Variants in WBP4 observed in about 807,000 individuals in gnomAD.
The protein encoded by WBP4 is WW domain-binding protein 4.
Under a neutral mutation model 55.4 loss-of-function variants are expected in WBP4, and 37 were observed. The ratio of observed to expected loss-of-function variants is 0.67; its 90% confidence interval spans 0.51 to 0.88. WBP4 has a LOEUF of 0.88. Among genes scored for constraint, WBP4 ranks in the 40% least tolerant of loss-of-function variants. The probability of loss-of-function intolerance (pLI) is 0.00; values close to 1 mark genes in which losing one functional copy is unlikely to be tolerated. For synonymous variants in WBP4, 142 were observed against 140.2 expected, an observed-to-expected ratio of 1.01 and a Z score of -0.09; for missense variants, 398 against 420.8, an observed-to-expected ratio of 0.95 and a Z score of 0.47.
Position 41,071,553 on chromosome 13 carries a change from T to C in WBP4, c.466T>C (p.Phe156Leu). The change falls in exon 6 of 10, where the codon TTT (phenylalanine) becomes CTT (leucine). Residue 156 changes from phenylalanine to leucine, a missense_variant. Physicochemically the swap from Phe to Leu is conservative, Grantham distance 22 (BLOSUM62 0). Transcript: ENST00000379487. Reference protein sequence around the residue: ...GASQWEKPEGFQGDLKKTAVK... With the variant: ...GASQWEKPEGLQGDLKKTAVK... The stretch of plus-strand genomic sequence containing the variant: ...ATCTCAGTGGGAGAAACCTGAAGGA[T>C]TTCAAGGAGACTTAAAAAAGGTAAT... The C allele has an allele frequency of 6.2e-7, 1 of 1,610,710 alleles. No homozygotes were observed.
chr13:41,081,066 A>T (rs1176665689), intron 9 of WBP4, among the ~76,000 whole-genome samples: 1 of 152,106 alleles, frequency 6.6e-6, no homozygotes, highest in Non-Finnish European at 1.5e-5. Flanking sequence ...GTGTGGTGGC[A>T]TGTAGCTGTG....
rs1425069762 is a variant in WBP4 at position 41,061,541 on chromosome 13, G to C, written c.-133G>C. The C allele has an allele frequency of 1.5e-5, 21 of 1,408,718 alleles. No individual in the cohort carries two copies. Among genetic ancestry groups the C allele is most frequent in the Middle Eastern group, 1.8e-4 (1 of 5,674 alleles). 87.3% of individuals were successfully genotyped at this position (1,408,718 alleles called of 1,614,324 possible). ...GGAACAGCGGAACGCTGGTCCCGGG[G>C]ACTGAGTAAGGTGTCTGGATCGGAG... On this transcript the variant is annotated 5_prime_UTR_variant, in exon 1 of 10. Coordinates refer to ENST00000379487, the MANE Select transcript of WBP4 (RefSeq NM_007187.5).
At chr13:41,070,944 C>G (rs77234074) in intron 5 of WBP4, among the ~76,000 whole-genome samples, 1 of 152,058 alleles carries the variant, frequency 6.6e-6, no homozygotes, top group Non-Finnish European at 1.5e-5. Flanking sequence ...AGAGTTTGCA[C>G]TGAGCTTTAA....
At chr13:41,065,427 C>CAGGGCTATGA in intron 4 of WBP4, 140 bp downstream of exon 4, 1 of 1,206,346 alleles carries the variant, frequency 8.3e-7, no homozygotes, top group Non-Finnish European at 1.1e-6. Context: ...CATCATAGCC[C>CAGGGCTATGA]TGTTTAGACT....
Position 41,082,874 on chromosome 13 carries a change from G to GA in WBP4, c.1095dup (p.Ser366IlefsTer2). On this transcript the variant is annotated frameshift_variant, in exon 10 of 10. Transcript: ENST00000379487. LOFTEE classifies it high-confidence loss of function. ...TTCAAAAAGAGAAGAACTGAAAATG[G>GA]AAAATCTAGAAATTTAAGGCAACGA... The GA allele has an allele frequency of 6.2e-7, 1 of 1,614,040 alleles. No individual in the cohort carries two copies. Among genetic ancestry groups the GA allele is most frequent in the Non-Finnish European group, 8.5e-7 (1 of 1,179,978 alleles).
chr13:41,075,957 A>G (rs1878460859), intron 7 of WBP4, 87 bp from the exon 8 acceptor site: 2 of 1,355,918 alleles, frequency 1.5e-6, no homozygotes, highest in Non-Finnish European at 2.0e-6. Context: ...TTGTCATTTA[A>G]TAATTGTAAG....
chr13:41,078,986 G>A (rs1464669981), intron 8 of WBP4, among the ~76,000 whole-genome samples: 2 of 152,092 alleles, frequency 1.3e-5, no homozygotes, highest in African/African-American at 4.8e-5. Flanking sequence ...AAAAGCTTAT[G>A]CACAGCAAAA....
intron 5 of WBP4, among the ~76,000 whole-genome samples, chr13:41,070,377 C>A (rs1878186180): frequency 6.6e-6 from 1 of 151,634 alleles, no homozygotes; most frequent in Non-Finnish European, 1.5e-5. Context: ...CAATATGAAC[C>A]CCAAAAAAGG....
intron 8 of WBP4, among the ~76,000 whole-genome samples, chr13:41,078,779 A>T (rs933689814): frequency 6.6e-6 from 1 of 152,044 alleles, no homozygotes; most frequent in Non-Finnish European, 1.5e-5. Context: ...GTGAGCTAAG[A>T]TCGTGCCGTT....
rs773008538 is a variant in WBP4 at position 41,069,813 on chromosome 13, G to A, written c.439+1076G>A. 5.6e-4 allele frequency among the ~76,000 whole-genome samples: 84 copies of A among 149,760 alleles called. 3 individuals carry two copies. The highest frequency in any genetic ancestry group is 2.4e-4 in the Non-Finnish European group (16 of 67,658). Reference sequence around the variant, plus strand: ...GAATCAATTGAACCCAGGAGATGGAGTTTGCAGTGAGCCCAGATCGCGCCA... The same window carrying A: ...GAATCAATTGAACCCAGGAGATGGAATTTGCAGTGAGCCCAGATCGCGCCA... On this transcript the variant is annotated intron_variant, in intron 5 of 9. Coordinates refer to ENST00000379487, the MANE Select transcript of WBP4 (RefSeq NM_007187.5).
intron 4 of WBP4, among the ~76,000 whole-genome samples, chr13:41,065,975 TA>T (rs1353400872): frequency 1.3e-5 from 2 of 152,188 alleles, no homozygotes; most frequent in Non-Finnish European, 2.9e-5. Context: ...ATTCCTCTAA[TA>T]AAAACAGCTT....
chr13:41,062,151 T>A (rs1328087528), intron 1 of WBP4: 1 of 946,114 alleles, frequency 1.1e-6, no homozygotes, highest in African/African-American at 1.9e-5. Context: ...GTCCCATGGC[T>A]TTTCCAGTTC....
intron 9 of WBP4, among the ~76,000 whole-genome samples, chr13:41,082,181 C>G (rs1878812516): frequency 6.6e-6 from 1 of 152,106 alleles, no homozygotes; most frequent in Non-Finnish European, 1.5e-5. Flanking sequence ...AATGAGATCT[C>G]GACTCGCTGC....
chr13:41,082,720 G>T lies in WBP4; in HGVS notation c.937G>T (p.Glu313Ter). ...EVESHEEVDL[E>*]LPSTENEYVS... ...TATTTCCAGTGAGGAGGTAGATTTGGAACTTCCAAGCACTGAAAATGAGTA... is the reference window on the plus strand; with the variant it reads ...TATTTCCAGTGAGGAGGTAGATTTGTAACTTCCAAGCACTGAAAATGAGTA... Residue 313 changes from glutamate to a stop codon, truncating the protein, a stop_gained, in exon 10 of 10, where the codon GAA becomes TAA. Transcript: ENST00000379487. LOFTEE classifies it high-confidence loss of function. 2 of 1,613,924 alleles carry T rather than the reference G, an allele frequency of 1.2e-6. No homozygotes were observed. The highest frequency in any genetic ancestry group is 1.7e-6 in the Non-Finnish European group (2 of 1,179,988).
chr13:41,074,854 G>T (rs1346563305), intron 7 of WBP4, among the ~76,000 whole-genome samples: 2 of 152,168 alleles, frequency 1.3e-5, no homozygotes, highest in Non-Finnish European at 2.9e-5. Context: ...ACCTAGCTGG[G>T]CGTGGTGGCG....
chr13:41,074,369 T>TA (rs1306547014), intron 7 of WBP4, among the ~76,000 whole-genome samples: 2 of 152,234 alleles, frequency 1.3e-5, no homozygotes, highest in Non-Finnish European at 2.9e-5. Context: ...GCTCATTGCA[T>TA]AGCATTAAAT....
intron 8 of WBP4, among the ~76,000 whole-genome samples, chr13:41,079,860 C>CA (rs1376222805): frequency 1.3e-5 from 2 of 152,148 alleles, no homozygotes; most frequent in Non-Finnish European, 2.9e-5. Context: ...TATATATACA[C>CA]ACGCACACAC....
chr13:41,068,089 C>T (rs1265765616), intron 4 of WBP4, among the ~76,000 whole-genome samples: 1 of 151,932 alleles, frequency 6.6e-6, no homozygotes, highest in African/African-American at 2.4e-5. Context: ...GTGCAGATTT[C>T]TCATATGCAT....
At chr13:41,070,896 A>T (rs1237477260) in intron 5 of WBP4, among the ~76,000 whole-genome samples, 2 of 152,210 alleles carry the variant, frequency 1.3e-5, no homozygotes. Flanking sequence ...CATTAGGATC[A>T]TAATTACCTT....
Sources: allele counts gnomAD v4.1 joint callset (sites outside exome capture counted in the v4.1 genomes callset), GRCh38; gene constraint gnomAD v4.1.1; transcripts MANE v1.5; gene names NCBI Gene and HGNC (gene_info 2026-07-23, HGNC 2026-07-21).